The following AP4M1 variants were observed in gnomAD, a reference collection of about 807,000 sequenced individuals.
The protein encoded by AP4M1 is adaptor related protein complex 4 subunit mu 1, also known as AP-4 complex subunit mu-1.
AP4M1 carries 58 observed loss-of-function variants against 62.4 expected under a neutral mutation model. The observed-to-expected ratio is 0.93, with a 90% CI of 0.75 to 1.16. The LOEUF (loss-of-function observed/expected upper bound fraction) is 1.16. AP4M1 is among the 50% of genes most tolerant of loss of function. AP4M1 has a pLI of 0.00. For missense variants in AP4M1, 626 were observed against 585.4 expected, an observed-to-expected ratio of 1.07 and a Z score of -0.72; for synonymous variants, 290 against 239.7, an observed-to-expected ratio of 1.21 and a Z score of -1.94.
At chr7:100,102,528 C>T in intron 2 of AP4M1, 147 bp from the exon 3 acceptor site, 1 of 722,214 alleles carries the variant, frequency 1.4e-6, no homozygotes, top group Admixed American at 2.0e-5. Flanking sequence ...CATTGGGAAG[C>T]TGGGCCCAGG....
chr7:100,103,073 T>TA, intron 4 of AP4M1, 113 bp downstream of exon 4: 1 of 988,406 alleles, frequency 1.0e-6, no homozygotes, highest in Non-Finnish European at 1.5e-6. Context: ...TTTTTTTTTT[T>TA]TTTTTTTTTG....
Position 100,107,522 on chromosome 7 carries a change from G to A in AP4M1, c.*640G>A. Reference sequence around the variant, plus strand: ...TGCTGGGGGGTGCGGTGGTGGCGGTGGAGACCAACTTGACGATGGGCTGCA... The same window carrying A: ...TGCTGGGGGGTGCGGTGGTGGCGGTAGAGACCAACTTGACGATGGGCTGCA... On this transcript the variant is annotated 3_prime_UTR_variant, in exon 15 of 15. Coordinates refer to ENST00000359593, the MANE Select transcript of AP4M1 (RefSeq NM_004722.4). 1.2e-6 allele frequency: 2 copies of A among 1,614,090 alleles called. No individual in the cohort carries two copies. Among genetic ancestry groups the A allele is most frequent in the African/African-American group, 1.3e-5 (1 of 75,022 alleles).
chr7:100,105,533 C>A lies in AP4M1; in HGVS notation c.923C>A (p.Ser308Ter). ...CCCTCTGTGCAGTGGGACCGAGGCTCAGGCCGGTGAGACAATTTCCTGGGT... is the reference window on the plus strand; with the variant it reads ...CCCTCTGTGCAGTGGGACCGAGGCTAAGGCCGGTGAGACAATTTCCTGGGT... ...LFPSVQWDRGSGRLQVYLKLR... is the reference protein window; with the variant it reads ...LFPSVQWDRG Residue 308 changes from serine (S) to a stop codon, truncating the protein, a stop_gained, in exon 11 of 15, where the codon TCA (serine) becomes TAA (stop). Transcript: ENST00000359593. LOFTEE classifies it high-confidence loss of function. 1 of 1,612,888 alleles carries A rather than the reference C, an allele frequency of 6.2e-7. No homozygotes were observed. The highest frequency in any genetic ancestry group is 2.2e-5 in the East Asian group (1 of 44,882).
intron 1 of AP4M1, 34 bp from the exon 2 acceptor site, chr7:100,101,845 CG>C (rs769353490): frequency 6.2e-7 from 1 of 1,612,412 alleles, no homozygotes. Context: ...CAGCCTGTGT[CG>C]CAGGATCCTT....
chr7:100,103,492 C>T lies in AP4M1; in HGVS notation c.435C>T (p.Ser145=), dbSNP rs893403334. 6.2e-7 allele frequency: 1 copy of T among 1,614,182 alleles called. No individual in the cohort carries two copies. Among genetic ancestry groups the T allele is most frequent in the Non-Finnish European group, 8.5e-7 (1 of 1,180,024 alleles). The part of the protein sequence containing the change: ...QTEAVVSKPF[S]LFDLSSVGLF... Reference sequence around the variant, plus strand: ...AAGCTGTGGTCAGCAAGCCCTTCAGCCTCTTTGACCTCAGCAGCGTTGGCT... The same window carrying T: ...AAGCTGTGGTCAGCAAGCCCTTCAGTCTCTTTGACCTCAGCAGCGTTGGCT... The change falls in exon 5 of 15, where the codon AGC becomes AGT. Residue 145 remains serine (S), a synonymous_variant. Transcript: ENST00000359593.
chr7:100,106,279 G>A lies in AP4M1; in HGVS notation c.1013G>A (p.Arg338Gln), dbSNP rs536356225. The A allele has an allele frequency of 2.5e-5, 40 of 1,613,916 alleles. No homozygotes were observed. In the Admixed American group the frequency reaches 2.7e-4, roughly 11 times the overall value. ...LNVRLHLPLP[R>Q]GVVSLSQELS... ...GTCAGGCTGCACCTCCCCCTGCCTC[G>A]AGGGGTGGTCAGGTGAGTGTGTGCA... Residue 338 changes from arginine (R) to glutamine (Q), a missense_variant, in exon 13 of 15, where the codon CGA (arginine) becomes CAA (glutamine). Transcript: ENST00000359593.
At chr7:100,100,857 C>A (rs1795969888), upstream of AP4M1, 1 of 1,028,822 alleles carries the variant, frequency 9.7e-7, no homozygotes, top group Non-Finnish European at 1.2e-6. Context: ...GGCCTGCCCG[C>A]CCCCGGGGCC....
intron 12 of AP4M1, 103 bp downstream of exon 12, chr7:100,106,106 G>A (rs1796451257): frequency 1.3e-6 from 2 of 1,550,628 alleles, no homozygotes; most frequent in Admixed American, 3.4e-5. Context: ...AGCCTCAGAA[G>A]CCAGTTAAGG....
Position 100,107,792 on chromosome 7 carries a change from G to A in AP4M1, c.*910G>A. On this transcript the variant is annotated 3_prime_UTR_variant, in exon 15 of 15. Transcript: ENST00000359593. ...CATGCAGGGCAGCTACAGCCCTGCA[G>A]GACCCTGGTGGGCGCCTCTTCCAGC... The A allele has an allele frequency of 1.5e-6, 2 of 1,377,844 alleles. No individual in the cohort carries two copies. Among genetic ancestry groups the A allele is most frequent in the Non-Finnish European group, 1.9e-6 (2 of 1,027,148 alleles). 85.4% of individuals were successfully genotyped at this position (1,377,844 alleles called of 1,614,324 possible). A position where few individuals can be genotyped will look rare whatever the true frequency, so the allele number is the denominator to read the frequency against.
At chr7:100,106,331 A>C (rs764872689) in intron 13 of AP4M1, 40 bp downstream of exon 13, 43 of 1,613,276 alleles carry the variant, frequency 2.7e-5, no homozygotes, top group Non-Finnish European at 3.6e-5. Context: ...TCCTGGGGAG[A>C]GAGTGAGCTC....
At chr7:100,102,409 G>GA (rs34378459) in intron 2 of AP4M1, 17,921 of 346,952 alleles carry the variant, frequency 0.052, no homozygotes, top group Middle Eastern at 0.074. Flanking sequence ...TGGGGGTGGG[G>GA]AAAAAAAAAA....
At position 100,101,936 on chromosome 7, in the gene AP4M1, G is replaced by A; in HGVS notation, c.115G>A (p.Gly39Arg). The A allele has an allele frequency of 1.9e-6, 3 of 1,613,214 alleles. No individual in the cohort carries two copies. Among genetic ancestry groups the A allele is most frequent in the Non-Finnish European group, 2.5e-6 (3 of 1,179,970 alleles). Residue 39 changes from glycine (G) to arginine (R), a missense_variant, in exon 2 of 15, where the codon GGA becomes AGA. Gly to Arg is a moderately radical substitution (Grantham distance 125, BLOSUM62 -2). Transcript: ENST00000359593. ...VAELFYRKLT[G>R]LPGDESPVVM... ...CGAGCTCTTCTACCGGAAGCTGACG[G>A]GACTGCCAGGAGACGAGTCCCCGGT...
chr7:100,101,171 G>A (rs1412380668), upstream of AP4M1: 5 of 1,530,050 alleles, frequency 3.3e-6, no homozygotes, highest in Non-Finnish European at 3.6e-6. Flanking sequence ...AGAACCCGCC[G>A]ACCCCGGTCC....
At position 100,106,686 on chromosome 7, in the gene AP4M1, C is replaced by T; in HGVS notation, c.1166C>T (p.Pro389Leu). 2 of 1,613,626 alleles carry T rather than the reference C, an allele frequency of 1.2e-6. No individual in the cohort carries two copies. Among genetic ancestry groups the T allele is most frequent in the Non-Finnish European group, 1.7e-6 (2 of 1,180,036 alleles). ...GACGTCCCAGGGCCCCCAGGACCTC[C>T]CAGCCATGGGCTCTCCACCTCGGCC... ...QMDVPGPPGP[P>L]SHGLSTSASP... Residue 389 changes from proline to leucine, a missense_variant, in exon 15 of 15, where the codon CCC (proline) becomes CTC (leucine). By Grantham distance (98) the Pro-to-Leu change is moderately conservative. Coordinates refer to ENST00000359593, the MANE Select transcript of AP4M1 (RefSeq NM_004722.4).
Position 100,108,912 on chromosome 7 carries a change from T to A in AP4M1, c.*2030T>A, listed in dbSNP as rs1796871807. 1.8e-5 allele frequency: 3 copies of A among 170,028 alleles called. No individual in the cohort carries two copies. The highest frequency in any genetic ancestry group is 7.2e-5 in the African/African-American group (3 of 41,588). 10.5% of individuals were successfully genotyped at this position (170,028 alleles called of 1,614,324 possible). On this transcript the variant is annotated 3_prime_UTR_variant, in exon 15 of 15. Transcript: ENST00000359593. Reference sequence around the variant, plus strand: ...GGTGGCACGCACCTGTAGTCCCAGCTACTGGGGAGGTTGAGGTACTAGAAT... The same window carrying A: ...GGTGGCACGCACCTGTAGTCCCAGCAACTGGGGAGGTTGAGGTACTAGAAT...
chr7:100,104,550 G>C (rs779984572), intron 7 of AP4M1, among the ~76,000 whole-genome samples: 7 of 151,876 alleles, frequency 4.6e-5, no homozygotes, highest in African/African-American at 1.2e-4. Flanking sequence ...AGTAAAAAAG[G>C]CTGGGCACAG....
chr7:100,101,328 G>C, upstream of AP4M1: 1 of 1,612,672 alleles, frequency 6.2e-7, no homozygotes, highest in Non-Finnish European at 8.5e-7. Flanking sequence ...CGCTTGGCGG[G>C]CTCAGAGGTC....
At position 100,105,453 on chromosome 7, in the gene AP4M1, G is replaced by A. The variant is rs1796386174; in HGVS notation, c.843G>A (p.Val281=). ...GCTCTCTGGTCTCTCAGCTGACTGT[G>A]ATGCGGTACCAACTCTCCGATGACC... is the stretch of plus-strand genomic sequence containing the variant. ...RLQPPQGELT[V]MRYQLSDDLP... is the part of the protein sequence containing the mutation. Residue 281 remains valine (V), a synonymous_variant, in exon 11 of 15, where the codon GTG becomes GTA. Transcript: ENST00000359593. 1.9e-6 allele frequency: 3 copies of A among 1,614,082 alleles called. No individual in the cohort carries two copies. Among genetic ancestry groups the A allele is most frequent in the Non-Finnish European group, 2.5e-6 (3 of 1,180,008 alleles).
Position 100,105,104 on chromosome 7 carries a change from G to A in AP4M1, c.727+6G>A. The A allele has an allele frequency of 3.7e-6, 6 of 1,614,058 alleles. No homozygotes were observed. The highest frequency in any genetic ancestry group is 5.1e-6 in the Non-Finnish European group (6 of 1,180,018). On this transcript the variant is annotated splice_donor_region_variant and intron_variant, in intron 9 of 14. Coordinates refer to ENST00000359593, the MANE Select transcript of AP4M1 (RefSeq NM_004722.4). ...GGGGAAGTCAGAGCTGAGAGGTGAG[G>A]AGAAAGTGGGTCTTTCTCCCCTTGG...
Sources: allele counts gnomAD v4.1 joint callset (sites outside exome capture counted in the v4.1 genomes callset), GRCh38; gene constraint gnomAD v4.1.1; transcripts MANE v1.5; gene names NCBI Gene and HGNC (gene_info 2026-07-23, HGNC 2026-07-21).